Variants in SLIT2 observed in about 807,000 individuals in gnomAD.
SLIT2 encodes the protein slit homolog 2 protein.
SLIT2 carries 41 observed loss-of-function variants against 185.7 expected under a neutral mutation model. That is an observed-to-expected ratio of 0.22 (90% CI 0.17 to 0.29). The LOEUF (loss-of-function observed/expected upper bound fraction) is 0.29, where lower values mean the gene tolerates loss of function less well. SLIT2 is among the 10% of genes least tolerant of loss of function. The probability of loss-of-function intolerance (pLI) is 1.00; values close to 1 mark genes in which losing one functional copy is unlikely to be tolerated. For missense variants in SLIT2, 1,571 were observed against 1,909.0 expected (o/e 0.82, Z 3.30); for synonymous variants, 693 against 680.2 (o/e 1.02, Z -0.29).
intron 29 of SLIT2, chr4:20,569,330 A>T: frequency 3.5e-6 from 1 of 287,012 alleles, no homozygotes; most frequent in South Asian, 3.8e-5. Context: ...ACCAATCCCC[A>T]GTACCTGTGT....
intron 9 of SLIT2, among the ~76,000 whole-genome samples, chr4:20,509,802 A>T (rs1254274394): frequency 6.6e-6 from 1 of 152,160 alleles, no homozygotes; most frequent in East Asian, 1.9e-4. Flanking sequence ...AGAATAGATG[A>T]TATCAGTTAT....
chr4:20,290,313 AT>A (rs1429740365), intron 4 of SLIT2, among the ~76,000 whole-genome samples: 2 of 152,206 alleles, frequency 1.3e-5, no homozygotes, highest in African/African-American at 4.8e-5. Context: ...GATCAAAAAT[AT>A]TTGAAAAAAT....
At chr4:20,329,589 A>G (rs1719894699) in intron 4 of SLIT2, among the ~76,000 whole-genome samples, 1 of 152,054 alleles carries the variant, frequency 6.6e-6, no homozygotes, top group South Asian at 2.1e-4. Flanking sequence ...TAGTAAAATC[A>G]TAGGACTAGA....
At chr4:20,476,268 C>T (rs1163253873) in intron 5 of SLIT2, among the ~76,000 whole-genome samples, 1 of 152,056 alleles carries the variant, frequency 6.6e-6, no homozygotes, top group African/African-American at 2.4e-5. Flanking sequence ...AGAGACCACG[C>T]TCATATATGT....
At chr4:20,539,808 T>A (rs1044083990) in intron 19 of SLIT2, among the ~76,000 whole-genome samples, 4 of 152,204 alleles carry the variant, frequency 2.6e-5, no homozygotes, top group African/African-American at 9.7e-5. Context: ...CAGTGAATTA[T>A]TTTTCATAGT....
chr4:20,280,039 A>G (rs1049036111), intron 4 of SLIT2, among the ~76,000 whole-genome samples: 1 of 152,168 alleles, frequency 6.6e-6, no homozygotes, highest in Non-Finnish European at 1.5e-5. Flanking sequence ...ATCAGAAGCC[A>G]AAAGGCTTTT....
At chr4:20,496,740 C>G (rs1718260597) in intron 9 of SLIT2, among the ~76,000 whole-genome samples, 1 of 152,142 alleles carries the variant, frequency 6.6e-6, no homozygotes. Context: ...AGCAAAAAAT[C>G]TAGTACCTTG....
chr4:20,461,047 T>A (rs1296994131), intron 4 of SLIT2, among the ~76,000 whole-genome samples: 1 of 152,188 alleles, frequency 6.6e-6, no homozygotes, highest in Admixed American at 6.5e-5. Context: ...GATAAGCAAA[T>A]GGAGAGAGAG....
chr4:20,513,106 T>C (rs1719903077), intron 11 of SLIT2, among the ~76,000 whole-genome samples: 1 of 152,190 alleles, frequency 6.6e-6, no homozygotes, highest in African/African-American at 2.4e-5. Flanking sequence ...GCTTGCTACA[T>C]TGAAATCTAA....
intron 4 of SLIT2, among the ~76,000 whole-genome samples, chr4:20,371,207 A>G: frequency 6.6e-6 from 1 of 151,950 alleles, no homozygotes; most frequent in Non-Finnish European, 1.5e-5. Context: ...ACACTAATGC[A>G]CCAACACACA....
At chr4:20,607,920 TTA>T (rs552145309) in intron 33 of SLIT2, among the ~76,000 whole-genome samples, 16 of 152,268 alleles carry the variant, frequency 1.1e-4, no homozygotes, top group Admixed American at 2.0e-4. Context: ...TGTCTTTATT[TTA>T]ATGTTTTACT....
chr4:20,620,371 G>A lies in SLIT2; in HGVS notation c.*1362G>A, dbSNP rs1319556993. 2 of 452,780 alleles carry A rather than the reference G, an allele frequency of 4.4e-6. No homozygotes were observed. The highest frequency in any genetic ancestry group is 4.0e-5 in the African/African-American group (2 of 49,878). 28.0% of individuals were successfully genotyped at this position (452,780 alleles called of 1,614,324 possible). A position where few individuals can be genotyped will look rare whatever the true frequency, so the allele number is the denominator to read the frequency against. ...AATGTAGAATTGATAATGGTTTATA[G>A]TGAACTGTGCTCTTCCCTCATTAAA... On this transcript the variant is annotated 3_prime_UTR_variant, in exon 37 of 37. Transcript: ENST00000504154.
intron 32 of SLIT2, among the ~76,000 whole-genome samples, chr4:20,597,138 T>C (rs1728052031): frequency 6.6e-6 from 1 of 150,974 alleles, no homozygotes; most frequent in Non-Finnish European, 1.5e-5. Flanking sequence ...TGATCTCAGC[T>C]CACTACAACC....
chr4:20,488,821 G>A lies in SLIT2; in HGVS notation c.614G>A (p.Arg205Gln), dbSNP rs535997897. 10 of 1,567,744 alleles carry A rather than the reference G, an allele frequency of 6.4e-6. No individual in the cohort carries two copies. Among genetic ancestry groups the A allele is most frequent in the Admixed American group, 5.6e-5 (3 of 53,540 alleles). ...FNHMPKLRTFRLHSNNLYCDC... is the reference protein window; with the variant it reads ...FNHMPKLRTFQLHSNNLYCDC... ...ACACTTCTTTTTTTCTCATTTAGTC[G>A]ACTGCATTCAAACAACCTGTATTGT... The change falls in exon 8 of 37, where the codon CGA becomes CAA. Residue 205 changes from arginine (R) to glutamine (Q), a missense_variant and splice_region_variant. By Grantham distance (43) the Arg-to-Gln change is conservative. Transcript: ENST00000504154.
At chr4:20,461,498 C>T (rs1357224786) in intron 4 of SLIT2, among the ~76,000 whole-genome samples, 1 of 152,140 alleles carries the variant, frequency 6.6e-6, no homozygotes, top group Admixed American at 6.5e-5. Context: ...GGCAAGATAT[C>T]TGTAGTTTTC....
chr4:20,402,937 AT>A (rs1726474218), intron 4 of SLIT2, among the ~76,000 whole-genome samples: 1 of 151,842 alleles, frequency 6.6e-6, no homozygotes, highest in African/African-American at 2.4e-5. Flanking sequence ...AATACTATTT[AT>A]ATAAAATTCT....
At chr4:20,460,833 T>G (rs1254896359) in intron 4 of SLIT2, among the ~76,000 whole-genome samples, 1 of 152,154 alleles carries the variant, frequency 6.6e-6, no homozygotes, top group Non-Finnish European at 1.5e-5. Context: ...AATGTCAACT[T>G]AAATTACAGA....
intron 30 of SLIT2, 38 bp downstream of exon 30, chr4:20,589,775 AG>A: frequency 1.4e-6 from 2 of 1,474,704 alleles, no homozygotes; most frequent in African/African-American, 2.8e-5. Flanking sequence ...CAGTCAGGGT[AG>A]GGGACCCATT....
Position 20,551,132 on chromosome 4 carries a change from G to A in SLIT2, c.2561+234G>A, listed in dbSNP as rs1186269376. 4.6e-5 allele frequency among the ~76,000 whole-genome samples: 7 copies of A among 152,146 alleles called. No homozygotes were observed. In the South Asian group the frequency reaches 6.2e-4, roughly 14 times the overall value. ...GAATTATCTTTGCTTAGCTAAACAT[G>A]TCTCTTCTACAAATATGGCTCTCCA... On this transcript the variant is annotated intron_variant, in intron 25 of 36. Coordinates refer to ENST00000504154, the MANE Select transcript of SLIT2 (RefSeq NM_004787.4).
Sources: gnomAD v4.1 joint callset for allele counts (sites outside exome capture counted in the v4.1 genomes callset) on GRCh38, gnomAD v4.1.1 for gene constraint, MANE v1.5 for transcripts, NCBI Gene and HGNC (gene_info 2026-07-23, HGNC 2026-07-21) for gene names.